The following MYH7B variants were observed in gnomAD, a reference collection of about 807,000 sequenced individuals.
MYH7B encodes the protein myosin-7B.
Under a neutral mutation model 234.5 loss-of-function variants are expected in MYH7B, and 205 were observed. The ratio of observed to expected loss-of-function variants is 0.87; its 90% CI spans 0.78 to 0.98. The LOEUF (loss-of-function observed/expected upper bound fraction) is 0.98. Among genes scored for constraint, MYH7B ranks in the 50% least tolerant of loss-of-function variants. MYH7B has a pLI of 0.00. For synonymous variants in MYH7B, 1,193 were observed against 1,105.0 expected (o/e 1.08, Z -1.58); for missense variants, 2,652 against 2,633.4 (o/e 1.01, Z -0.15).
In MYH7B at chr20:35,001,940, G is replaced by A. The variant is rs890033879; in HGVS notation, c.5677-8G>A. 2 of 1,610,812 alleles carry A rather than the reference G, an allele frequency of 1.2e-6. No individual in the cohort carries two copies. Among genetic ancestry groups the A allele is most frequent in the Admixed American group, 1.7e-5 (1 of 59,834 alleles). Reference sequence around the variant, plus strand: ...CAAGCGGAACCAAGGCCCTGTGTGTGCCCCCAGGAGCAGCAGGCCAACACC... The same window carrying A: ...CAAGCGGAACCAAGGCCCTGTGTGTACCCCCAGGAGCAGCAGGCCAACACC... On this transcript the variant is annotated splice_region_variant and splice_polypyrimidine_tract_variant and intron_variant, in intron 43 of 44. Coordinates refer to ENST00000262873, the Ensembl canonical transcript of MYH7B.
chr20:35,002,318 A>C (rs77966079), exon 45 of MYH7B: 1 of 1,018,006 alleles, frequency 9.8e-7, no homozygotes, highest in Non-Finnish European at 1.4e-6. Context: ...CTGAATAAAC[A>C]CCACAGCCAG....
chr20:34,993,690 C>T (rs1445388262), intron 26 of MYH7B, among the ~76,000 whole-genome samples: 1 of 152,220 alleles, frequency 6.6e-6, no homozygotes, highest in Non-Finnish European at 1.5e-5. Flanking sequence ...GCGTGTGGCC[C>T]GGAGGGGTAG....
At chr20:34,972,617 G>A (rs1042021331) in intron 2 of MYH7B, among the ~76,000 whole-genome samples, 5 of 152,062 alleles carry the variant, frequency 3.3e-5, no homozygotes, top group African/African-American at 1.2e-4. Context: ...CCCTCTTCCT[G>A]GCAGTCTGGG....
chr20:34,972,582 G>GAGGGAAGGAACCTTGT (rs2081802974), intron 2 of MYH7B, among the ~76,000 whole-genome samples: 1 of 152,078 alleles, frequency 6.6e-6, no homozygotes, highest in Admixed American at 6.6e-5. Flanking sequence ...TCAGCTCTAT[G>GAGGGAAGGAACCTTGT]AGGGAAGGAA....
intron 14 of MYH7B, among the ~76,000 whole-genome samples, chr20:34,986,519 C>T (rs1279741916): frequency 2.0e-5 from 3 of 152,230 alleles, no homozygotes; most frequent in East Asian, 3.9e-4. Flanking sequence ...CTGGCAAGCC[C>T]GTTGAGGGCA....
chr20:35,002,072 C>A (rs2082400247), exon 44 of MYH7B: 2 of 1,613,888 alleles, frequency 1.2e-6, no homozygotes, highest in African/African-American at 1.3e-5. Flanking sequence ...ACCCGGGACG[C>A]CCTGGGCCCC....
chr20:34,972,762 G>C (rs2081804376), intron 2 of MYH7B, among the ~76,000 whole-genome samples: 1 of 152,084 alleles, frequency 6.6e-6, no homozygotes, highest in Admixed American at 6.5e-5. Flanking sequence ...CTCCTGAGTA[G>C]CTGAGATTGT....
rs767256703 is a variant in MYH7B, at chr20:35,001,108, C to T, written c.5425C>T (p.Gln1809Ter). 6.2e-7 allele frequency: 1 copy of T among 1,613,776 alleles called. No individual in the cohort carries two copies. The highest frequency in any genetic ancestry group is 1.3e-5 in the African/African-American group (1 of 74,946). The change falls in exon 41 of 45, where the codon CAG becomes TAG. Residue 1809 changes from glutamine (Q) to a stop codon, truncating the protein, a stop_gained. Coordinates refer to ENST00000262873, the Ensembl canonical transcript of MYH7B. LOFTEE classifies it high-confidence loss of function. ...CCAGGCCCGCCTTGAGGAGGCAGAA[C>T]AGGCCGCCCTCCGTGGCGGGAAGAA...
intron 29 of MYH7B, 25 bp downstream of exon 29, chr20:34,996,547 G>T: frequency 6.2e-7 from 1 of 1,603,902 alleles, no homozygotes; most frequent in East Asian, 2.2e-5. Flanking sequence ...CCCCGAGACT[G>T]GGTGGCGGGG....
chr20:34,961,207 T>C (rs2081694729), intron 2 of MYH7B, among the ~76,000 whole-genome samples: 1 of 152,230 alleles, frequency 6.6e-6, no homozygotes, highest in Admixed American at 6.5e-5. Flanking sequence ...CACTTACTTT[T>C]TGGCAGGATG....
chr20:34,988,534 G>A (rs945709761), intron 19 of MYH7B, among the ~76,000 whole-genome samples: 4 of 152,074 alleles, frequency 2.6e-5, no homozygotes, highest in African/African-American at 9.7e-5. Flanking sequence ...CAGTACTGTG[G>A]ACAACAGCTC....
chr20:34,978,084 A>C (rs1402101540), exon 5 of MYH7B: 1 of 1,613,972 alleles, frequency 6.2e-7, no homozygotes, highest in East Asian at 2.2e-5. Flanking sequence ...GGTGCACACT[A>C]TCCCATGGGA....
chr20:34,984,268 G>C (rs529723023), intron 10 of MYH7B, among the ~76,000 whole-genome samples: 1 of 152,370 alleles, frequency 6.6e-6, no homozygotes, highest in East Asian at 1.9e-4. Flanking sequence ...GTTAGGGCAG[G>C]AAGGTTCAGA....
chr20:34,976,140 A>G (rs143411237), intron 3 of MYH7B, among the ~76,000 whole-genome samples: 3 of 152,336 alleles, frequency 2.0e-5, no homozygotes, highest in African/African-American at 7.2e-5. Context: ...CTCAGCGTAT[A>G]GAGCATTTCC....
rs767764851 is a variant in MYH7B at position 34,999,345 on chromosome 20, G to A, written c.4480G>A (p.Gly1494Ser). 9.0e-6 allele frequency: 14 copies of A among 1,553,786 alleles called. No homozygotes were observed. Among genetic ancestry groups the A allele is most frequent in the East Asian group, 7.0e-5 (3 of 43,046 alleles). ...CACCGAGCTCTTCCGGCTGCGGCAC[G>A]GCCACGAGGAGGCACTTGAAGCCCT... The change falls in exon 36 of 45, where the codon GGC becomes AGC. Residue 1494 changes from glycine (G) to serine (S), a missense_variant. This residue lies in a region of MYH7B where 2,279 missense variants were observed against 2,211.4 expected (regional missense o/e 1.03). Coordinates refer to ENST00000262873, the Ensembl canonical transcript of MYH7B.
Position 34,980,877 on chromosome 20 carries a change from C to A in MYH7B, c.499+143C>A, listed in dbSNP as rs886149246. 107 of 1,483,150 alleles carry A rather than the reference C, an allele frequency of 7.2e-5. No individual in the cohort carries two copies. In the Middle Eastern group the frequency reaches 1.3e-3, roughly 18 times the overall value. 91.9% of individuals were successfully genotyped at this position (1,483,150 alleles called of 1,614,324 possible). On this transcript the variant is annotated intron_variant, in intron 8 of 44. Transcript: ENST00000262873. ...GTCGCCCAGCCGTTCTGTCCCTCCGCATGGGAGCTGACCTCCACTAGGGAC... is the reference window on the plus strand; with the variant it reads ...GTCGCCCAGCCGTTCTGTCCCTCCGAATGGGAGCTGACCTCCACTAGGGAC...
At position 34,990,068 on chromosome 20, in the gene MYH7B, A is replaced by ACC. The variant is rs1245602002; in HGVS notation, c.1823_1824dup (p.Val609ProfsTer34). On this transcript the variant is annotated frameshift_variant, in exon 21 of 45. Coordinates refer to ENST00000262873, the Ensembl canonical transcript of MYH7B. LOFTEE classifies it high-confidence loss of function. ...GAAAAACAAGGATCCCCTGAATGAG[A>ACC]CCGTGGTCCCCATCTTCCAGAAGTC... 1 of 1,614,084 alleles carries ACC rather than the reference A, an allele frequency of 6.2e-7. No individual in the cohort carries two copies.
intron 1 of MYH7B, among the ~76,000 whole-genome samples, chr20:34,956,615 GAT>G (rs2081637907): frequency 6.6e-6 from 1 of 152,226 alleles, no homozygotes; most frequent in African/African-American, 2.4e-5. Context: ...AGTCTGATAA[GAT>G]AGGCAATAAA....
At chr20:34,983,293 CTTTTCTTTT>C (rs1329144990) in intron 10 of MYH7B, among the ~76,000 whole-genome samples, 26 of 100,364 alleles carry the variant, frequency 2.6e-4, no homozygotes, top group African/African-American at 4.2e-4. Flanking sequence ...CTTTTCTTTT[CTTTTCTTTT>C]TTTTTTTTTT....
Sources: allele counts gnomAD v4.1 joint callset (sites outside exome capture counted in the v4.1 genomes callset), GRCh38; gene constraint gnomAD v4.1.1; regional missense constraint gnomAD v4.1.1; transcripts MANE v1.5; gene names NCBI Gene and HGNC (gene_info 2026-07-23, HGNC 2026-07-21).